The following ANKIB1 variants were observed in gnomAD, a reference collection of about 807,000 sequenced individuals.
ANKIB1 encodes the protein ankyrin repeat and IBR domain containing 1.
In ANKIB1, 43 loss-of-function variants were observed where a neutral mutation model predicts 122.1. The observed-to-expected ratio is 0.35, with a 90% CI of 0.28 to 0.45. The LOEUF is 0.45. Among genes scored for constraint, ANKIB1 ranks in the 20% least tolerant of loss-of-function variants. The probability of loss-of-function intolerance (pLI) is 1.00; values close to 1 mark genes in which losing one functional copy is unlikely to be tolerated. For missense variants in ANKIB1, 992 were observed against 1,329.5 expected (o/e 0.75, Z 3.95); for synonymous variants, 390 against 442.0 (o/e 0.88, Z 1.48).
At chr7:92,339,322 G>GTT in intron 5 of ANKIB1, among the ~76,000 whole-genome samples, 1 of 152,066 alleles carries the variant, frequency 6.6e-6, no homozygotes, top group East Asian at 1.9e-4. Context: ...GATTACAGGC[G>GTT]TGAGCCACCG....
rs1284155123 is a variant in ANKIB1 at position 92,345,190 on chromosome 7, A to G, written c.1085+124A>G. On this transcript the variant is annotated intron_variant, in intron 7 of 19. Transcript: ENST00000265742. The stretch of plus-strand genomic sequence containing the variant: ...ATATTGACTTCTGAGTTACACAGAA[A>G]TGAATTTAGACTTTACTAGTAAGGA... 4.6e-6 allele frequency: 3 copies of G among 656,296 alleles called. No individual in the cohort carries two copies. The Admixed American group carries it at 8.3e-5, about 18-fold the overall frequency. The allele number at this position is 656,296 out of a possible 1,614,324, so 40.7% of individuals were successfully genotyped here. A position where few individuals can be genotyped will look rare whatever the true frequency, so the allele number is the denominator to read the frequency against.
intron 7 of ANKIB1, among the ~76,000 whole-genome samples, chr7:92,345,508 T>C (rs1803519737): frequency 6.6e-6 from 1 of 152,238 alleles, no homozygotes; most frequent in South Asian, 2.1e-4. Flanking sequence ...CAGAGTTAAA[T>C]GTTTCAGCGA....
At chr7:92,316,061 G>T (rs1281054743) in intron 3 of ANKIB1, among the ~76,000 whole-genome samples, 2 of 151,978 alleles carry the variant, frequency 1.3e-5, no homozygotes, top group African/African-American at 4.8e-5. Flanking sequence ...GGAAAGAAAG[G>T]CAGAATAGAA....
chr7:92,279,657 C>G, intron 1 of ANKIB1, among the ~76,000 whole-genome samples: 1 of 152,174 alleles, frequency 6.6e-6, no homozygotes, highest in Non-Finnish European at 1.5e-5. Context: ...CAGCCCATAT[C>G]AGACAGCATG....
chr7:92,398,608 T>C lies in ANKIB1; in HGVS notation c.2929T>C (p.Phe977Leu), dbSNP rs367987695. The C allele has an allele frequency of 1.9e-6, 3 of 1,613,852 alleles. No individual in the cohort carries two copies. Among genetic ancestry groups the C allele is most frequent in the Non-Finnish European group, 1.7e-6 (2 of 1,179,878 alleles). Reference sequence around the variant, plus strand: ...TCTTCTCGGCAACATCATGGCTTGGTTTCATGACATGAACCCTCAGAGTAT... The same window carrying C: ...TCTTCTCGGCAACATCATGGCTTGGCTTCATGACATGAACCCTCAGAGTAT... ...DNLLGNIMAW[F>L]HDMNPQSIAL... The change falls in exon 20 of 20, where the codon TTT becomes CTT. Residue 977 changes from phenylalanine to leucine, a missense_variant. Transcript: ENST00000265742.
In ANKIB1 at chr7:92,275,877, G is replaced by A. The variant is rs140052653; in HGVS notation, c.-90-19012G>A. Among the ~76,000 whole-genome samples the A allele has an allele frequency of 1.7e-3, 264 of 152,216 alleles. 1 individual carries two copies. Among genetic ancestry groups the A allele is most frequent in the African/African-American group, 6.2e-3 (256 of 41,528 alleles). ...TGCCAAAATAAGCATCACTGTACAT[G>A]TCTCTTTGTGTACCTGTTATAGGAG... On this transcript the variant is annotated intron_variant, in intron 1 of 19. Coordinates refer to ENST00000265742, the MANE Select transcript of ANKIB1 (RefSeq NM_019004.2).
intron 1 of ANKIB1, among the ~76,000 whole-genome samples, chr7:92,271,796 G>A (rs1801799601): frequency 6.6e-6 from 1 of 152,114 alleles, no homozygotes; most frequent in South Asian, 2.1e-4. Context: ...TTAAAGATGA[G>A]ACAAAGATTG....
intron 1 of ANKIB1, among the ~76,000 whole-genome samples, chr7:92,267,408 G>A (rs140311304): frequency 6.6e-6 from 1 of 152,238 alleles, no homozygotes; most frequent in East Asian, 1.9e-4. Context: ...TCCCAAGAGT[G>A]ACTATTATCA....
intron 17 of ANKIB1, among the ~76,000 whole-genome samples, chr7:92,394,453 T>A (rs943046487): frequency 6.6e-6 from 1 of 151,948 alleles, no homozygotes; most frequent in Non-Finnish European, 1.5e-5. Context: ...CATCTGAGAG[T>A]TTTCTGTCAG....
chr7:92,347,702 C>T (rs1286517707), intron 7 of ANKIB1, among the ~76,000 whole-genome samples: 3 of 152,116 alleles, frequency 2.0e-5, no homozygotes, highest in Non-Finnish European at 4.4e-5. Context: ...GATAAGAGCT[C>T]AAGTTCTGGA....
intron 1 of ANKIB1, among the ~76,000 whole-genome samples, chr7:92,291,568 T>C (rs1189641854): frequency 9.7e-6 from 1 of 103,480 alleles, no homozygotes; most frequent in African/African-American, 3.3e-5. Context: ...TTTCTTTTTC[T>C]TTTTTTTTTT....
intron 7 of ANKIB1, among the ~76,000 whole-genome samples, chr7:92,350,709 T>C (rs1164330209): frequency 6.6e-6 from 1 of 152,102 alleles, no homozygotes; most frequent in Non-Finnish European, 1.5e-5. Context: ...ATTTAAAAAT[T>C]AGCCCAGCAT....
chr7:92,294,139 G>A (rs925430802), intron 1 of ANKIB1, among the ~76,000 whole-genome samples: 9 of 152,100 alleles, frequency 5.9e-5, no homozygotes, highest in Non-Finnish European at 1.2e-4. Flanking sequence ...ACTTCACATT[G>A]CTTCAGTAGT....
intron 1 of ANKIB1, among the ~76,000 whole-genome samples, chr7:92,262,980 C>CT (rs1281546851): frequency 6.6e-6 from 1 of 152,240 alleles, no homozygotes; most frequent in Admixed American, 6.5e-5. Context: ...GACTTAAAAA[C>CT]TTTAAGTAGC....
chr7:92,254,703 G>T (rs1037173800), intron 1 of ANKIB1, among the ~76,000 whole-genome samples: 3 of 152,042 alleles, frequency 2.0e-5, no homozygotes, highest in African/African-American at 7.2e-5. Context: ...ATATGTTGGT[G>T]TTCTTTGATA....
intron 1 of ANKIB1, among the ~76,000 whole-genome samples, chr7:92,292,508 T>G (rs1169922514): frequency 2.6e-5 from 4 of 152,174 alleles, no homozygotes; most frequent in African/African-American, 9.7e-5. Flanking sequence ...AATATAAATC[T>G]CAGAAAATGT....
chr7:92,275,922 A>G (rs1219659870), intron 1 of ANKIB1, among the ~76,000 whole-genome samples: 1 of 152,208 alleles, frequency 6.6e-6, no homozygotes, highest in Non-Finnish European at 1.5e-5. Context: ...GATAATATCT[A>G]TTAATTTTTC....
At chr7:92,354,012 A>C (rs1340691380) in intron 9 of ANKIB1, among the ~76,000 whole-genome samples, 1 of 152,228 alleles carries the variant, frequency 6.6e-6, no homozygotes, top group Non-Finnish European at 1.5e-5. Flanking sequence ...TGAAGGGAAA[A>C]GAAGAAACTT....
chr7:92,351,202 C>A, intron 8 of ANKIB1, 108 bp downstream of exon 8: 1 of 957,734 alleles, frequency 1.0e-6, no homozygotes. Context: ...AAAATAATGG[C>A]TCTTTTGTTA....
Sources: allele counts gnomAD v4.1 joint callset (sites outside exome capture counted in the v4.1 genomes callset), GRCh38; gene constraint gnomAD v4.1.1; transcripts MANE v1.5; gene names NCBI Gene and HGNC (gene_info 2026-07-23, HGNC 2026-07-21).